The following TBC1D9B variants were observed in gnomAD, a reference collection of about 807,000 sequenced individuals.
TBC1D9B encodes the protein TBC1 domain family, member 9B (with GRAM domain).
In TBC1D9B, 87 loss-of-function variants were observed where a neutral mutation model predicts 121.1. That is an observed-to-expected ratio of 0.72 (90% CI 0.60 to 0.86). The LOEUF is 0.86. TBC1D9B is among the 40% of genes least tolerant of loss of function. The pLI is 0.00. For missense variants in TBC1D9B, 1,540 were observed against 1,628.6 expected, an observed-to-expected ratio of 0.95 and a Z score of 0.94; for synonymous variants, 668 against 670.1, an observed-to-expected ratio of 1.00 and a Z score of 0.05.
At chr5:179,870,219 A>C in intron 16 of TBC1D9B, 36 bp downstream of exon 16, 6 of 1,609,072 alleles carry the variant, frequency 3.7e-6, no homozygotes, top group Non-Finnish European at 5.1e-6. Context: ...AGGGTGAGGG[A>C]GGGTCAAGCC....
chr5:179,875,890 C>G lies in TBC1D9B; in HGVS notation c.1900+30G>C, dbSNP rs768762700. 3.2e-6 allele frequency: 5 copies of G among 1,549,444 alleles called. No homozygotes were observed. The South Asian group carries it at 6.1e-5, about 19-fold the overall frequency. On this transcript the variant is annotated intron_variant, in intron 11 of 20. Transcript: ENST00000355235. The surrounding 1 kb of genome is among the most constrained non-coding windows in gnomAD (Gnocchi z 4.5). ...ATGGAACCAGCAGGCACCTGGAGACCCAGGCGAGGCAGCACCCGGGGACAC... is the reference window on the plus strand; with the variant it reads ...ATGGAACCAGCAGGCACCTGGAGACGCAGGCGAGGCAGCACCCGGGGACAC...
In TBC1D9B at chr5:179,884,644, G is replaced by A. The variant is rs893589967; in HGVS notation, c.1254+3459C>T. 5 of 152,118 alleles carry A rather than the reference G, an allele frequency of 3.3e-5. 1 individual carries two copies. Among genetic ancestry groups the A allele is most frequent in the Admixed American group, 1.3e-4 (2 of 15,264 alleles). The allele number at this position is 152,118 out of a possible 1,614,324, so 9.4% of individuals were successfully genotyped here. A position where few individuals can be genotyped will look rare whatever the true frequency, so the allele number is the denominator to read the frequency against. On this transcript the variant is annotated intron_variant, in intron 7 of 20. Transcript: ENST00000355235. ...TCCAAGTTTCAACAGTGAACAAAAC[G>A]TGGCTTATCCATACAATGGCATATG...
At chr5:179,882,907 T>A (rs1760580622) in intron 7 of TBC1D9B, among the ~76,000 whole-genome samples, 2 of 152,172 alleles carry the variant, frequency 1.3e-5, no homozygotes, top group South Asian at 4.1e-4. Flanking sequence ...TGAGGAGGAA[T>A]CTCTCAGGAT....
In TBC1D9B at chr5:179,870,330, C is replaced by A. The variant is rs1760151593; in HGVS notation, c.2650G>T (p.Ala884Ser). ...TCCAGGAGCCTGAACATGCGCCCTGCCAGCAGAGGTGTGTGGGAGCCACAG... is the reference window on the plus strand; with the variant it reads ...TCCAGGAGCCTGAACATGCGCCCTGACAGCAGAGGTGTGTGGGAGCCACAG... The part of the protein sequence containing the change: ...WACGSHTPLL[A>S]GRMFRLLDEN... The change falls in exon 16 of 21, where the codon GCA (alanine) becomes TCA (serine). Residue 884 changes from alanine to serine, a missense_variant. By Grantham distance (99) the Ala-to-Ser change is moderately conservative (BLOSUM62 1). Coordinates refer to ENST00000355235, the MANE Select transcript of TBC1D9B (RefSeq NM_015043.4). 13 of 1,613,902 alleles carry A rather than the reference C, an allele frequency of 8.1e-6. No homozygotes were observed. The East Asian group carries it at 2.7e-4, about 33-fold the overall frequency.
At chr5:179,873,483 G>A (rs1760264128) in intron 12 of TBC1D9B, among the ~76,000 whole-genome samples, 1 of 152,252 alleles carries the variant, frequency 6.6e-6, no homozygotes, top group Non-Finnish European at 1.5e-5. Flanking sequence ...CCCTGAGGAC[G>A]CTGGGCTGTT....
intron 18 of TBC1D9B, chr5:179,867,444 C>T: frequency 4.5e-6 from 7 of 1,554,994 alleles, no homozygotes; most frequent in Non-Finnish European, 6.1e-6. Context: ...CAGGGACTGA[C>T]CTTGAGCCTC....
intron 7 of TBC1D9B, among the ~76,000 whole-genome samples, chr5:179,884,803 G>C (rs1209143907): frequency 6.6e-6 from 1 of 152,170 alleles, no homozygotes; most frequent in Non-Finnish European, 1.5e-5. Flanking sequence ...ACCTAGAATA[G>C]TTCAATTCAA....
intron 2 of TBC1D9B, among the ~76,000 whole-genome samples, chr5:179,900,705 G>C (rs1030594272): frequency 6.6e-6 from 1 of 152,146 alleles, no homozygotes; most frequent in Non-Finnish European, 1.5e-5. Context: ...CTGATCGATT[G>C]GCATTGAGCT....
chr5:179,906,302 A>C (rs1048258842), intron 1 of TBC1D9B, among the ~76,000 whole-genome samples: 12 of 152,080 alleles, frequency 7.9e-5, no homozygotes, highest in African/African-American at 2.9e-4. Context: ...GGGTTCAAAG[A>C]AGGGTTCCCT....
intron 6 of TBC1D9B, 110 bp from the exon 7 acceptor site, chr5:179,888,422 A>G: frequency 9.1e-7 from 1 of 1,094,994 alleles, no homozygotes; most frequent in African/African-American, 1.6e-5. Context: ...GGCACAATGC[A>G]GTGAGTGGCC....
chr5:179,888,304 A>T lies in TBC1D9B; in HGVS notation c.1053T>A (p.Ile351=), dbSNP rs765551460. The T allele has an allele frequency of 1.2e-6, 2 of 1,610,702 alleles. No homozygotes were observed. The highest frequency in any genetic ancestry group is 2.7e-5 in the African/African-American group (2 of 74,620). The change falls in exon 7 of 21, where the codon ATT becomes ATA. Residue 351 remains isoleucine (I), a synonymous_variant. Coordinates refer to ENST00000355235, the MANE Select transcript of TBC1D9B (RefSeq NM_015043.4). ...CGCTGGAGCTGTCAGCTTTTTCGAC[A>T]ATGGTCACCTGAGAAGGTGAAAGAA... The part of the protein sequence containing the change: ...HLIIPLREVT[I]VEKADSSSVL...
chr5:179,863,852 GGT>G lies in TBC1D9B; in HGVS notation c.3296_3297del (p.His1099ProfsTer29), dbSNP rs1455594532. On this transcript the variant is annotated frameshift_variant, in exon 21 of 21. Coordinates refer to ENST00000355235, the MANE Select transcript of TBC1D9B (RefSeq NM_015043.4). LOFTEE classifies it low-confidence loss of function (END_TRUNC). The surrounding 1 kb of genome is among the most constrained non-coding windows in gnomAD (Gnocchi z 4.5). Reference protein sequence around the residue: ...DPQAKAGGDTHLGKAPQESQV... With the variant: ...DPQAKAGGDTXLGKAPQESQV... ...TGGCTCTCCTGTGGGGCTTTTCCGAGGTGTGTGTCTCCGCCTGCTTTGGCTTG... is the reference window on the plus strand; with the variant it reads ...TGGCTCTCCTGTGGGGCTTTTCCGAGGTGTGTCTCCGCCTGCTTTGGCTTG... The G allele has an allele frequency of 6.2e-7, 1 of 1,613,346 alleles. No individual in the cohort carries two copies. The highest frequency in any genetic ancestry group is 1.7e-5 in the Admixed American group (1 of 60,012).
At position 179,875,422 on chromosome 5, in the gene TBC1D9B, G is replaced by C. The variant is rs1455181111; in HGVS notation, c.1901-235C>G. On this transcript the variant is annotated intron_variant, in intron 11 of 20. Transcript: ENST00000355235. This position sits in a 1 kb window ranked among gnomAD's most constrained non-coding sequence, Gnocchi z 4.5. ...TCTACTACACTTGAATTTTATTTTG[G>C]GGAAATACTGATTTCTCCGTAAGGC... is the stretch of plus-strand genomic sequence containing the variant. 1.3e-5 allele frequency among the ~76,000 whole-genome samples: 2 copies of C among 152,114 alleles called. No individual in the cohort carries two copies. The highest frequency in any genetic ancestry group is 2.9e-5 in the Non-Finnish European group (2 of 68,032).
rs764871955 is a variant in TBC1D9B at position 179,865,302 on chromosome 5, C to A, written c.2973G>T (p.Glu991Asp). 12 of 1,614,026 alleles carry A rather than the reference C, an allele frequency of 7.4e-6. No homozygotes were observed. The highest frequency in any genetic ancestry group is 5.0e-5 in the Admixed American group (3 of 60,014). The change falls in exon 20 of 21, where the codon GAG becomes GAT. Residue 991 changes from glutamate (E) to aspartate (D), a missense_variant. By Grantham distance (45) the Glu-to-Asp change is conservative. Coordinates refer to ENST00000355235, the MANE Select transcript of TBC1D9B (RefSeq NM_015043.4). The surrounding 1 kb of genome is among the most constrained non-coding windows in gnomAD (Gnocchi z 5.1). ...YRHYLRMWAK[E>D]KEAQKETIKD... ...TAATCGTCTCCTTCTGAGCCTCTTTCTCCTTGGCCCACATTCGAAGGTAGT... is the reference window on the plus strand; with the variant it reads ...TAATCGTCTCCTTCTGAGCCTCTTTATCCTTGGCCCACATTCGAAGGTAGT...
At position 179,872,559 on chromosome 5, in the gene TBC1D9B, C is replaced by T. The variant is rs937554713; in HGVS notation, c.2415+333G>A. On this transcript the variant is annotated intron_variant, in intron 14 of 20. Transcript: ENST00000355235. ...GCCATTTGGGGTGTGCGGAGGATGG[C>T]GGCATGTTGCTACCTGGGAGTGGGG... 24 of 340,046 alleles carry T rather than the reference C, an allele frequency of 7.1e-5. 1 individual carries two copies. Among genetic ancestry groups the T allele is most frequent in the African/African-American group, 4.2e-4 (20 of 47,596 alleles). 21.1% of individuals were successfully genotyped at this position (340,046 alleles called of 1,614,324 possible). A position where few individuals can be genotyped will look rare whatever the true frequency, so the allele number is the denominator to read the frequency against.
At chr5:179,898,990 C>T (rs1761090275) in intron 3 of TBC1D9B, among the ~76,000 whole-genome samples, 199 bp downstream of exon 3, 1 of 152,202 alleles carries the variant, frequency 6.6e-6, no homozygotes. Flanking sequence ...CTCCAGTGCC[C>T]ACCCAGGGTA....
intron 7 of TBC1D9B, 86 bp from the exon 8 acceptor site, chr5:179,879,875 G>A (rs1176852415): frequency 4.9e-6 from 7 of 1,439,364 alleles, no homozygotes; most frequent in Middle Eastern, 4.1e-4. Flanking sequence ...GAGCTGGATC[G>A]GGGCCCGGTG....
intron 6 of TBC1D9B, 106 bp from the exon 7 acceptor site, chr5:179,888,418 A>G: frequency 2.6e-6 from 3 of 1,137,722 alleles, no homozygotes; most frequent in Non-Finnish European, 3.8e-6. Flanking sequence ...CCTGGGCACA[A>G]TGCAGTGAGT....
rs1759909585 is a variant in TBC1D9B, at chr5:179,863,540, C to T, written c.3610G>A (p.Val1204Met). Residue 1204 changes from valine to methionine, a missense_variant, in exon 21 of 21, where the codon GTG becomes ATG. Physicochemically the swap from Val to Met is conservative, Grantham distance 21 (BLOSUM62 1). Coordinates refer to ENST00000355235, the MANE Select transcript of TBC1D9B (RefSeq NM_015043.4). The surrounding 1 kb of genome is among the most constrained non-coding windows in gnomAD (Gnocchi z 4.5). ...SVLVNFFEKRVDIGLKIKDQK... is the reference protein window; with the variant it reads ...SVLVNFFEKRMDIGLKIKDQK... ...TCCTTGATCTTGAGTCCAATGTCCA[C>T]TCTCTTCTCAAAGAAGTTCACCAGC... 4 of 1,614,108 alleles carry T rather than the reference C, an allele frequency of 2.5e-6. No homozygotes were observed. The South Asian group carries it at 3.3e-5, about 13-fold the overall frequency.
Sources: allele counts gnomAD v4.1 joint callset (sites outside exome capture counted in the v4.1 genomes callset), GRCh38; gene constraint gnomAD v4.1.1; non-coding constraint Gnocchi (gnomAD v3.1); transcripts MANE v1.5; gene names NCBI Gene and HGNC (gene_info 2026-07-23, HGNC 2026-07-21).